The following CCSER1 variants were observed in gnomAD, a reference collection of about 807,000 sequenced individuals.
The protein encoded by CCSER1 is serine-rich coiled-coil domain-containing protein 1.
CCSER1 carries 41 observed loss-of-function variants against 82.0 expected under a neutral mutation model. The ratio of observed to expected loss-of-function variants is 0.50; its 90% CI spans 0.39 to 0.65. CCSER1 has a LOEUF of 0.65. Among genes scored for constraint, CCSER1 ranks in the 30% least tolerant of loss-of-function variants. The probability of loss-of-function intolerance (pLI) is 0.00; values close to 1 mark genes in which losing one functional copy is unlikely to be tolerated. For synonymous variants in CCSER1, 414 were observed against 383.9 expected (o/e 1.08, Z -0.92); for missense variants, 1,119 against 1,064.2 (o/e 1.05, Z -0.72).
intron 1 of CCSER1, among the ~76,000 whole-genome samples, chr4:90,219,570 TA>T (rs1183859691): frequency 6.6e-6 from 1 of 152,188 alleles, no homozygotes. Context: ...GTCCCAAGTA[TA>T]TTTATCTGTC....
intron 10 of CCSER1, among the ~76,000 whole-genome samples, chr4:91,166,561 A>G (rs2148991411): frequency 1.3e-5 from 2 of 152,368 alleles, no homozygotes; most frequent in East Asian, 3.9e-4. Context: ...TTATAAAACA[A>G]TATACCAAGC....
At chr4:90,367,820 CAG>C (rs1430011035) in intron 3 of CCSER1, among the ~76,000 whole-genome samples, 1 of 151,592 alleles carries the variant, frequency 6.6e-6, no homozygotes, top group African/African-American at 2.4e-5. Flanking sequence ...ACTAGATGGA[CAG>C]AGTTTTCCAA....
intron 9 of CCSER1, among the ~76,000 whole-genome samples, chr4:90,976,391 G>A (rs942860390): frequency 1.7e-4 from 26 of 150,884 alleles, no homozygotes; most frequent in African/African-American, 5.8e-4. Flanking sequence ...AATTTTAAAA[G>A]CTTTATAATT....
intron 9 of CCSER1, among the ~76,000 whole-genome samples, chr4:90,959,887 T>C (rs1326977704): frequency 6.6e-6 from 1 of 152,166 alleles, no homozygotes; most frequent in Non-Finnish European, 1.5e-5. Context: ...ACACATGCTT[T>C]GTATTCTGGA....
At chr4:90,299,684 GC>G in intron 1 of CCSER1, among the ~76,000 whole-genome samples, 1 of 152,172 alleles carries the variant, frequency 6.6e-6, no homozygotes, top group South Asian at 2.1e-4. Flanking sequence ...AGGGGAAACA[GC>G]AAAACATTTT....
chr4:90,424,878 T>A (rs890403931), intron 4 of CCSER1, among the ~76,000 whole-genome samples: 1 of 152,246 alleles, frequency 6.6e-6, no homozygotes, highest in Non-Finnish European at 1.5e-5. Context: ...TTTCCTCTTT[T>A]GTGAATAGCA....
chr4:91,474,815 A>ATATATATATATATATG (rs1560700786), intron 10 of CCSER1, among the ~76,000 whole-genome samples: 2 of 63,408 alleles, frequency 3.2e-5, no homozygotes, highest in African/African-American at 1.2e-4. Context: ...ATATATATAC[A>ATATATATATATATATG]CACACACACA....
At chr4:91,007,518 G>T (rs1243009194) in intron 9 of CCSER1, among the ~76,000 whole-genome samples, 1 of 152,014 alleles carries the variant, frequency 6.6e-6, no homozygotes, top group East Asian at 1.9e-4. Flanking sequence ...CCGGTAGCTT[G>T]TATGTGTCCA....
chr4:90,738,818 A>C (rs142279804), intron 7 of CCSER1, among the ~76,000 whole-genome samples: 1 of 152,136 alleles, frequency 6.6e-6, no homozygotes, highest in Admixed American at 6.5e-5. Context: ...GTGCTCTTTC[A>C]TCAGCTTATG....
chr4:90,143,542 C>A (rs1033372741), intron 1 of CCSER1, among the ~76,000 whole-genome samples: 1 of 145,124 alleles, frequency 6.9e-6, no homozygotes, highest in South Asian at 2.2e-4. Context: ...TATTAATATA[C>A]CATTATAGAA....
At chr4:91,441,617 T>C (rs140040683) in intron 10 of CCSER1, among the ~76,000 whole-genome samples, 1 of 152,144 alleles carries the variant, frequency 6.6e-6, no homozygotes, top group Admixed American at 6.5e-5. Flanking sequence ...GAAGTTCTGG[T>C]CAGGGCAGTT....
intron 4 of CCSER1, among the ~76,000 whole-genome samples, chr4:90,411,714 G>T (rs987032201): frequency 6.6e-6 from 1 of 152,180 alleles, no homozygotes; most frequent in Non-Finnish European, 1.5e-5. Context: ...ACTGGCACAA[G>T]ACAGGGATGC....
At position 90,362,349 on chromosome 4, in the gene CCSER1, A is replaced by C. The variant is rs1337249693; in HGVS notation, c.1510-37687A>C. 3.3e-5 allele frequency among the ~76,000 whole-genome samples: 5 copies of C among 152,222 alleles called. No individual in the cohort carries two copies. In the East Asian group the frequency reaches 9.6e-4, roughly 29 times the overall value. On this transcript the variant is annotated intron_variant, in intron 3 of 10. Coordinates refer to ENST00000509176, the MANE Select transcript of CCSER1 (RefSeq NM_001145065.2). ...CAAAATGACATGCTGAAGGTATTTA[A>C]TATAAACTTATACAGTTAAAATTAC...
intron 10 of CCSER1, among the ~76,000 whole-genome samples, chr4:91,442,711 G>T (rs1277857452): frequency 6.8e-5 from 9 of 132,122 alleles, no homozygotes; most frequent in Non-Finnish European, 9.7e-5. Context: ...GAAAATTTTC[G>T]CAACCTACCC....
chr4:90,817,895 G>T (rs990847839), intron 8 of CCSER1, among the ~76,000 whole-genome samples: 6 of 152,126 alleles, frequency 3.9e-5, no homozygotes, highest in Admixed American at 2.0e-4. Flanking sequence ...TTATGGTGGA[G>T]GTTAAATTTT....
intron 9 of CCSER1, among the ~76,000 whole-genome samples, chr4:91,065,849 A>C (rs1469000705): frequency 6.6e-6 from 1 of 150,966 alleles, no homozygotes; most frequent in Non-Finnish European, 1.5e-5. Context: ...TCATATTTGA[A>C]TATGACTTCT....
At chr4:90,696,984 A>C (rs776434309) in intron 6 of CCSER1, among the ~76,000 whole-genome samples, 1 of 152,086 alleles carries the variant, frequency 6.6e-6, no homozygotes, top group Non-Finnish European at 1.5e-5. Context: ...TGGTGGAAGG[A>C]AACAGGGCAG....
intron 10 of CCSER1, among the ~76,000 whole-genome samples, chr4:91,284,917 A>C (rs1015658533): frequency 2.6e-5 from 4 of 152,070 alleles, no homozygotes; most frequent in African/African-American, 9.7e-5. Flanking sequence ...TTCCACCATG[A>C]TAAAGCTGCC....
At chr4:91,115,568 G>A (rs1295923195) in intron 10 of CCSER1, among the ~76,000 whole-genome samples, 3 of 142,152 alleles carry the variant, frequency 2.1e-5, no homozygotes, top group Non-Finnish European at 4.8e-5. Flanking sequence ...CTCGTGATCT[G>A]CCCGCCTTGG....
Sources: gnomAD v4.1 joint callset for allele counts (sites outside exome capture counted in the v4.1 genomes callset) on GRCh38, gnomAD v4.1.1 for gene constraint, MANE v1.5 for transcripts, NCBI Gene and HGNC (gene_info 2026-07-23, HGNC 2026-07-21) for gene names.